The following CSMD1 variants were observed in gnomAD, a reference collection of about 807,000 sequenced individuals.
CSMD1 encodes CUB and sushi domain-containing protein 1.
In CSMD1, 213 loss-of-function variants were observed where a neutral mutation model predicts 417.5. The ratio of observed to expected loss-of-function variants is 0.51; its 90% CI spans 0.46 to 0.57. The LOEUF (loss-of-function observed/expected upper bound fraction) is 0.57, where lower values mean the gene tolerates loss of function less well. Among genes scored for constraint, CSMD1 ranks in the 20% least tolerant of loss-of-function variants. The pLI, the probability that CSMD1 is intolerant of heterozygous loss-of-function variation, is 0.00. For missense variants in CSMD1, 6,923 were observed against 4,529.7 expected, an observed-to-expected ratio of 1.53 and a Z score of -15.17; for synonymous variants, 2,862 against 1,736.8, an observed-to-expected ratio of 1.65 and a Z score of -16.11.
intron 3 of CSMD1, among the ~76,000 whole-genome samples, chr8:4,304,334 C>G (rs1465559688): frequency 1.3e-5 from 2 of 152,110 alleles, no homozygotes; most frequent in African/African-American, 4.8e-5. Flanking sequence ...GTATGTCAAA[C>G]TGATGTCTTA....
chr8:3,676,939 T>C (rs1799405686), intron 7 of CSMD1, among the ~76,000 whole-genome samples: 1 of 151,426 alleles, frequency 6.6e-6, no homozygotes, highest in Non-Finnish European at 1.5e-5. Context: ...CACTCATAAG[T>C]GGGAGTTAAA....
chr8:3,272,880 G>C (rs1801971536), intron 26 of CSMD1, among the ~76,000 whole-genome samples: 1 of 150,204 alleles, frequency 6.7e-6, no homozygotes, highest in African/African-American at 2.5e-5. Context: ...TCTGCAAACA[G>C]GGACAATTTG....
At chr8:4,853,674 G>A (rs1398943850) in intron 1 of CSMD1, among the ~76,000 whole-genome samples, 5 of 152,158 alleles carry the variant, frequency 3.3e-5, no homozygotes, top group Non-Finnish European at 7.3e-5. Context: ...TGGAGCTGTG[G>A]GAAGAAGACC....
At chr8:4,379,071 G>A (rs976922375) in intron 3 of CSMD1, among the ~76,000 whole-genome samples, 1 of 152,112 alleles carries the variant, frequency 6.6e-6, no homozygotes, top group Admixed American at 6.5e-5. Context: ...TTATAGTGGA[G>A]ATATTCAGCC....
At chr8:4,170,362 T>C (rs1013902339) in intron 3 of CSMD1, among the ~76,000 whole-genome samples, 32 of 152,058 alleles carry the variant, frequency 2.1e-4, no homozygotes, top group Middle Eastern at 3.4e-3. Context: ...TATATTCGGA[T>C]AATTTATGAA....
In CSMD1 at chr8:4,106,030, G is replaced by A. The variant is rs1300995385; in HGVS notation, c.416-73931C>T. On this transcript the variant is annotated intron_variant, in intron 3 of 69. Transcript: ENST00000635120. ...CTTCGGGTGTGCCACCATCTCCACTGCATCAAGGTAGGCCAGATTTTAGGG... is the reference window on the plus strand; with the variant it reads ...CTTCGGGTGTGCCACCATCTCCACTACATCAAGGTAGGCCAGATTTTAGGG... Among the ~76,000 whole-genome samples, 3 of 152,224 alleles carry A rather than the reference G, an allele frequency of 2.0e-5. No individual in the cohort carries two copies. The East Asian group carries it at 5.8e-4, about 29-fold the overall frequency.
chr8:4,686,326 T>G (rs1271502794), intron 1 of CSMD1, among the ~76,000 whole-genome samples: 1 of 152,200 alleles, frequency 6.6e-6, no homozygotes, highest in Non-Finnish European at 1.5e-5. Flanking sequence ...CATTCCTGAT[T>G]GATTGGATTC....
intron 3 of CSMD1, among the ~76,000 whole-genome samples, chr8:4,147,415 A>C (rs1474602180): frequency 6.6e-6 from 1 of 152,090 alleles, no homozygotes; most frequent in Non-Finnish European, 1.5e-5. Flanking sequence ...TGCCCTGTCT[A>C]GAATGGCTTT....
intron 3 of CSMD1, among the ~76,000 whole-genome samples, chr8:4,194,231 G>A (rs967392455): frequency 6.6e-5 from 10 of 152,170 alleles, no homozygotes; most frequent in Admixed American, 2.0e-4. Context: ...AATCAACACT[G>A]CTGCTTTTAA....
At chr8:3,481,642 C>G (rs867349883) in intron 11 of CSMD1, among the ~76,000 whole-genome samples, 1 of 152,150 alleles carries the variant, frequency 6.6e-6, no homozygotes, top group Non-Finnish European at 1.5e-5. Flanking sequence ...TAGGTGGGCC[C>G]TAAATGCCAC....
intron 5 of CSMD1, among the ~76,000 whole-genome samples, chr8:3,927,389 A>T (rs1426710173): frequency 6.6e-6 from 1 of 152,000 alleles, no homozygotes; most frequent in African/African-American, 2.4e-5. Flanking sequence ...CAATACAGCC[A>T]GACACAGTGG....
intron 3 of CSMD1, among the ~76,000 whole-genome samples, chr8:4,122,615 G>T (rs118170405): frequency 6.6e-6 from 1 of 152,160 alleles, no homozygotes; most frequent in African/African-American, 2.4e-5. Context: ...CTGCAGAGAT[G>T]GAGGTGATAA....
rs572884455 is a variant in CSMD1 at position 3,785,334 on chromosome 8, G to A, written c.819-31292C>T. 7.9e-5 allele frequency among the ~76,000 whole-genome samples: 12 copies of A among 152,124 alleles called. No homozygotes were observed. The South Asian group carries it at 1.0e-3, about 13-fold the overall frequency. ...AGGCTGCGGAAAATAAATGCCCCGG[G>A]CAAGGCCTCAGTCAGCAGTGGAACC... On this transcript the variant is annotated intron_variant, in intron 5 of 69. Transcript: ENST00000635120.
intron 3 of CSMD1, among the ~76,000 whole-genome samples, chr8:4,258,978 A>G (rs1399175337): frequency 2.6e-5 from 4 of 152,186 alleles, no homozygotes; most frequent in Non-Finnish European, 5.9e-5. Flanking sequence ...ATGTCTAACT[A>G]AGACTTTAAA....
intron 5 of CSMD1, among the ~76,000 whole-genome samples, chr8:3,850,521 C>A (rs2129099610): frequency 6.6e-6 from 1 of 152,128 alleles, no homozygotes; most frequent in African/African-American, 2.4e-5. Context: ...ATGGCAAAAC[C>A]CCATCTCTAT....
At chr8:4,453,263 C>T (rs149160955) in intron 2 of CSMD1, among the ~76,000 whole-genome samples, 4 of 151,340 alleles carry the variant, frequency 2.6e-5, no homozygotes, top group Non-Finnish European at 4.4e-5. Flanking sequence ...CTAGCTGTAC[C>T]TAATGTAACC....
intron 1 of CSMD1, among the ~76,000 whole-genome samples, chr8:4,889,593 A>G (rs1200356700): frequency 6.6e-6 from 1 of 152,144 alleles, no homozygotes; most frequent in African/African-American, 2.4e-5. Flanking sequence ...TGTCAAAAAA[A>G]TAGAAAAAAA....
At chr8:4,404,939 T>C (rs1464138014) in intron 3 of CSMD1, among the ~76,000 whole-genome samples, 1 of 152,222 alleles carries the variant, frequency 6.6e-6, no homozygotes. Flanking sequence ...TCCGATATGA[T>C]TATCCTCTTT....
Position 4,060,911 on chromosome 8 carries a change from C to T in CSMD1, c.416-28812G>A, listed in dbSNP as rs569244750. Among the ~76,000 whole-genome samples the T allele has an allele frequency of 1.3e-3, 200 of 152,198 alleles. 1 individual carries two copies. Among genetic ancestry groups the T allele is most frequent in the African/African-American group, 4.5e-3 (186 of 41,536 alleles). Reference sequence around the variant, plus strand: ...TAAAACTCCCACTAAGCCTGTTTCCCATTTGCAGTAGAAGAAACCAACATA... The same window carrying T: ...TAAAACTCCCACTAAGCCTGTTTCCTATTTGCAGTAGAAGAAACCAACATA... On this transcript the variant is annotated intron_variant, in intron 3 of 69. Coordinates refer to ENST00000635120, the MANE Select transcript of CSMD1 (RefSeq NM_033225.6).
Sources: allele counts gnomAD v4.1 joint callset (sites outside exome capture counted in the v4.1 genomes callset), GRCh38; gene constraint gnomAD v4.1.1; transcripts MANE v1.5; gene names NCBI Gene and HGNC (gene_info 2026-07-23, HGNC 2026-07-21).